Variants in PHC3 observed in about 807,000 individuals in gnomAD.
PHC3 encodes polyhomeotic homolog 3.
PHC3 carries 13 observed loss-of-function variants against 107.4 expected under a neutral mutation model. That is an observed-to-expected ratio of 0.12 (90% CI 0.08 to 0.19). The LOEUF is 0.19. Ranked by LOEUF, PHC3 falls within the 10% of genes least tolerant of loss-of-function variation. PHC3 has a pLI of 1.00. For missense variants in PHC3, 992 were observed against 1,210.9 expected, an observed-to-expected ratio of 0.82 and a Z score of 2.68; for synonymous variants, 456 against 427.4, an observed-to-expected ratio of 1.07 and a Z score of -0.83.
chr3:170,150,632 G>A, intron 4 of PHC3: 1 of 285,384 alleles, frequency 3.5e-6, no homozygotes, highest in Non-Finnish European at 6.8e-6. Context: ...AGAATGGCGT[G>A]AACCTGGGAG....
intron 6 of PHC3, among the ~76,000 whole-genome samples, chr3:170,137,306 T>C (rs944072608): frequency 1.5e-4 from 23 of 152,186 alleles, no homozygotes; most frequent in African/African-American, 5.3e-4. Flanking sequence ...TGGCTTTCTA[T>C]GGTGGCTCCT....
rs746184835 is a variant in PHC3, at chr3:170,171,413, G to A, written c.374C>T (p.Thr125Ile). The stretch of plus-strand genomic sequence containing the variant: ...ACTTGACTGCTGTGTGACACTTCCT[G>A]TGGGAGATGTAGATGGTCTTCCACT... ...LSSGRPSTSPTGSVTQQSSMS... is the reference protein window; with the variant it reads ...LSSGRPSTSPIGSVTQQSSMS... The change falls in exon 4 of 15, where the codon ACA becomes ATA. Residue 125 changes from threonine (T) to isoleucine (I), a missense_variant. Around this residue, in one of 6 missense-constraint regions of PHC3, gnomAD observed 161 missense variants for 183.7 expected, o/e 0.88. Transcript: ENST00000495893. 6.2e-7 allele frequency: 1 copy of A among 1,607,426 alleles called. No homozygotes were observed. Among genetic ancestry groups the A allele is most frequent in the South Asian group, 1.1e-5 (1 of 88,858 alleles).
rs572094706 is a variant in PHC3, at chr3:170,089,239, G to C, written c.*7991C>G. 1 of 152,078 alleles carries C rather than the reference G, an allele frequency of 6.6e-6. No homozygotes were observed. Among genetic ancestry groups the C allele is most frequent in the Non-Finnish European group, 1.5e-5 (1 of 68,002 alleles). The allele number at this position is 152,078 out of a possible 1,614,324, so 9.4% of individuals were successfully genotyped here. A position where few individuals can be genotyped will look rare whatever the true frequency, so the allele number is the denominator to read the frequency against. ...GATATTTTCATTCTATATCTTTATG[G>C]AGAATGTCAGTATCAACTGATGTTA... is the stretch of plus-strand genomic sequence containing the variant. On this transcript the variant is annotated 3_prime_UTR_variant, in exon 15 of 15. Transcript: ENST00000495893.
chr3:170,151,980 T>C (rs1368801848), intron 4 of PHC3, among the ~76,000 whole-genome samples: 1 of 152,114 alleles, frequency 6.6e-6, no homozygotes, highest in East Asian at 1.9e-4. Context: ...AGGAATTTAA[T>C]TTATAATTAT....
At chr3:170,167,017 A>C (rs1728845757) in intron 4 of PHC3, among the ~76,000 whole-genome samples, 1 of 152,212 alleles carries the variant, frequency 6.6e-6, no homozygotes, top group South Asian at 2.1e-4. Flanking sequence ...GAGTTGCACC[A>C]ATCTATATTA....
At chr3:170,153,986 C>T (rs1007910059) in intron 4 of PHC3, among the ~76,000 whole-genome samples, 1 of 152,122 alleles carries the variant, frequency 6.6e-6, no homozygotes, top group Admixed American at 6.6e-5. Flanking sequence ...ACATAGTGAA[C>T]AACTTCTCAA....
At chr3:170,141,739 G>C (rs1353707620) in intron 6 of PHC3, among the ~76,000 whole-genome samples, 1 of 151,916 alleles carries the variant, frequency 6.6e-6, no homozygotes, top group Non-Finnish European at 1.5e-5. Context: ...AGCCCCCCAG[G>C]TAGCTGGGAC....
At chr3:170,175,639 G>C (rs571289037) in intron 2 of PHC3, among the ~76,000 whole-genome samples, 274 of 151,212 alleles carry the variant, frequency 1.8e-3, no homozygotes, top group Admixed American at 5.0e-3. Flanking sequence ...AAAAAAAAGG[G>C]GGGGGCCAGG....
At chr3:170,139,589 T>C (rs1723700465) in intron 6 of PHC3, among the ~76,000 whole-genome samples, 1 of 152,224 alleles carries the variant, frequency 6.6e-6, no homozygotes. Context: ...TGTTTTTAAT[T>C]TTCCTTTTCT....
At chr3:170,180,922 C>G (rs1321901312) in intron 1 of PHC3, among the ~76,000 whole-genome samples, 1 of 152,164 alleles carries the variant, frequency 6.6e-6, no homozygotes, top group African/African-American at 2.4e-5. Flanking sequence ...AAAAGAACAA[C>G]TTTGGTAACT....
At chr3:170,107,502 A>G (rs945835779) in intron 11 of PHC3, among the ~76,000 whole-genome samples, 3 of 152,188 alleles carry the variant, frequency 2.0e-5, no homozygotes, top group Non-Finnish European at 4.4e-5. Context: ...TGCATATATC[A>G]GGAGGCTGAG....
intron 4 of PHC3, among the ~76,000 whole-genome samples, chr3:170,153,394 A>C (rs1327793533): frequency 6.6e-6 from 1 of 152,108 alleles, no homozygotes; most frequent in East Asian, 1.9e-4. Flanking sequence ...GCAAACTGAT[A>C]CCTCTTACTG....
chr3:170,104,607 A>G (rs1439364351), intron 12 of PHC3, among the ~76,000 whole-genome samples: 1 of 152,206 alleles, frequency 6.6e-6, no homozygotes, highest in African/African-American at 2.4e-5. Flanking sequence ...AGTTACAAGA[A>G]TAAATCCCAA....
At chr3:170,108,296 GGTGGCAT>G (rs1244663995) in intron 11 of PHC3, among the ~76,000 whole-genome samples, 16 of 152,068 alleles carry the variant, frequency 1.1e-4, no homozygotes, top group African/African-American at 3.9e-4. Flanking sequence ...TGTAGACATG[GGTGGCAT>G]GTACTCAGTG....
At chr3:170,136,334 G>C (rs1261327589) in intron 7 of PHC3, 85 bp downstream of exon 7, 1 of 1,523,356 alleles carries the variant, frequency 6.6e-7, no homozygotes, top group African/African-American at 1.4e-5. Flanking sequence ...TGTCACTCCT[G>C]TTCAAGTCAT....
chr3:170,160,980 T>G (rs1727801203), intron 4 of PHC3, among the ~76,000 whole-genome samples: 1 of 152,216 alleles, frequency 6.6e-6, no homozygotes, highest in African/African-American at 2.4e-5. Context: ...CTTTCTGCTT[T>G]TTGCTGGGAA....
chr3:170,172,221 T>C (rs1400499024), intron 3 of PHC3, among the ~76,000 whole-genome samples: 7 of 152,128 alleles, frequency 4.6e-5, no homozygotes, highest in African/African-American at 1.7e-4. Context: ...TAATTACTTA[T>C]ATAATTTTTT....
At position 170,090,173 on chromosome 3, in the gene PHC3, T is replaced by C. The variant is rs1713946106; in HGVS notation, c.*7057A>G. The C allele has an allele frequency of 6.6e-6, 1 of 152,100 alleles. No homozygotes were observed. Among genetic ancestry groups the C allele is most frequent in the Non-Finnish European group, 1.5e-5 (1 of 68,010 alleles). The allele number at this position is 152,100 out of a possible 1,614,324, so 9.4% of individuals were successfully genotyped here. A position where few individuals can be genotyped will look rare whatever the true frequency, so the allele number is the denominator to read the frequency against. The stretch of plus-strand genomic sequence containing the variant: ...GCCAACTGATGTTTAGTATGTGAAA[T>C]GTGTTATAAAAATTATGATATGATT... On this transcript the variant is annotated 3_prime_UTR_variant, in exon 15 of 15. Transcript: ENST00000495893.
intron 4 of PHC3, among the ~76,000 whole-genome samples, chr3:170,158,421 T>C (rs1380935305): frequency 6.6e-6 from 1 of 151,428 alleles, no homozygotes; most frequent in Non-Finnish European, 1.5e-5. Flanking sequence ...GCCAACATGG[T>C]GAAACCCCAT....
Sources: gnomAD v4.1 joint callset for allele counts (sites outside exome capture counted in the v4.1 genomes callset) on GRCh38, gnomAD v4.1.1 for gene constraint, gnomAD v4.1.1 regional missense constraint, MANE v1.5 for transcripts, NCBI Gene and HGNC (gene_info 2026-07-23, HGNC 2026-07-21) for gene names.